Variants in RUNX1T1 observed in about 807,000 individuals in gnomAD.
RUNX1T1 encodes protein CBFA2T1.
A neutral mutation model predicts 62.8 loss-of-function variants in RUNX1T1; 4 were observed. The ratio of observed to expected loss-of-function variants is 0.06; its 90% confidence interval spans 0.03 to 0.15. The LOEUF is 0.15. Among genes scored for constraint, RUNX1T1 ranks in the 10% least tolerant of loss-of-function variants. The probability of loss-of-function intolerance (pLI) is 1.00; values close to 1 mark genes in which losing one functional copy is unlikely to be tolerated. For synonymous variants in RUNX1T1, 291 were observed against 286.0 expected (o/e 1.02, Z -0.18); for missense variants, 508 against 754.3 (o/e 0.67, Z 3.82).
At chr8:92,045,801 G>A (rs1382343017) in intron 1 of RUNX1T1, among the ~76,000 whole-genome samples, 1 of 152,170 alleles carries the variant, frequency 6.6e-6, no homozygotes, top group Non-Finnish European at 1.5e-5. Context: ...TTAGTAGAAA[G>A]TCGTTCCCAG....
intron 1 of RUNX1T1, among the ~76,000 whole-genome samples, chr8:92,034,797 TACACACACACACACACACACAC>T (rs200718439): frequency 2.1e-5 from 2 of 96,848 alleles, no homozygotes; most frequent in South Asian, 3.0e-4. Flanking sequence ...TATACATATA[TACACACACACACACACACACAC>T]ACACACACAC....
chr8:91,968,145 C>T (rs1361250289), intron 10 of RUNX1T1, among the ~76,000 whole-genome samples: 1 of 152,118 alleles, frequency 6.6e-6, no homozygotes. Context: ...TCTGGGTCCT[C>T]CTCTCAGATA....
intron 1 of RUNX1T1, chr8:92,095,662 G>C: frequency 0.013 from 9,089 of 678,112 alleles, no homozygotes; most frequent in Non-Finnish European, 0.018. Flanking sequence ...GGGAAGGAGA[G>C]ACACAGGCAG....
chr8:92,095,515 A>G (rs1304443320), intron 1 of RUNX1T1: 4 of 1,509,668 alleles, frequency 2.6e-6, no homozygotes, highest in Non-Finnish European at 3.5e-6. Context: ...AGAGAAGCCA[A>G]CGTGCATCAG....
At chr8:91,972,035 C>T (rs1209495430) in intron 9 of RUNX1T1, among the ~76,000 whole-genome samples, 1 of 152,128 alleles carries the variant, frequency 6.6e-6, no homozygotes, top group Non-Finnish European at 1.5e-5. Flanking sequence ...TACCAATTAA[C>T]ACTCTATTAA....
chr8:92,017,320 A>G (rs1823213524), exon 2 of RUNX1T1: 2 of 1,613,966 alleles, frequency 1.2e-6, no homozygotes, highest in Non-Finnish European at 1.7e-6. Flanking sequence ...GCGTCTTCAC[A>G]TCCACAGGTG....
chr8:91,986,813 T>C, intron 7 of RUNX1T1, 74 bp downstream of exon 8: 1 of 993,278 alleles, frequency 1.0e-6, no homozygotes, highest in African/African-American at 1.6e-5. Context: ...CACCAAGCTT[T>C]TATTTTATCA....
intron 9 of RUNX1T1, 58 bp downstream of exon 10, chr8:91,975,847 A>G: frequency 8.6e-7 from 1 of 1,161,736 alleles, no homozygotes; most frequent in South Asian, 1.2e-5. Context: ...ACATCACTAC[A>G]TTAACAACTG....
intron 1 of RUNX1T1, among the ~76,000 whole-genome samples, chr8:92,039,045 C>A (rs1263915599): frequency 1.3e-5 from 2 of 152,118 alleles, no homozygotes; most frequent in African/African-American, 4.8e-5. Context: ...GGGGCTCCAT[C>A]CACTTTGCAA....
intron 1 of RUNX1T1, among the ~76,000 whole-genome samples, chr8:92,030,366 A>G (rs78402893): frequency 0.011 from 1,602 of 152,328 alleles, 21 homozygotes; most frequent in African/African-American, 0.036. Context: ...ACTCAGTCCC[A>G]GAACGTATCA....
At chr8:91,966,538 T>A (rs1811657123) in intron 10 of RUNX1T1, among the ~76,000 whole-genome samples, 1 of 152,208 alleles carries the variant, frequency 6.6e-6, no homozygotes, top group Admixed American at 6.5e-5. Context: ...GTATAAGGTA[T>A]GGATCTCAAA....
intron 10 of RUNX1T1, among the ~76,000 whole-genome samples, chr8:91,967,302 T>C (rs1258873228): frequency 6.6e-6 from 1 of 152,176 alleles, no homozygotes; most frequent in Non-Finnish European, 1.5e-5. Context: ...TTTACCGGAC[T>C]GGTCTGTCTA....
upstream of RUNX1T1, chr8:92,099,765 G>T (rs1008483949): frequency 2.7e-5 from 11 of 407,802 alleles, no homozygotes; most frequent in African/African-American, 2.4e-4. Context: ...AACAGGATTT[G>T]ACAGTGAAGA....
chr8:91,986,761 T>G (rs997890870), intron 7 of RUNX1T1, 126 bp downstream of exon 8: 1 of 687,540 alleles, frequency 1.5e-6, no homozygotes, highest in African/African-American at 1.8e-5. Flanking sequence ...CTCGCTCATT[T>G]TTTTTTCAAG....
intron 7 of RUNX1T1, 129 bp downstream of exon 8, chr8:91,986,758 A>ATT: frequency 3.0e-6 from 2 of 663,578 alleles, no homozygotes; most frequent in South Asian, 1.8e-5. Context: ...ATTCTCGCTC[A>ATT]TTTTTTTTTC....
intron 4 of RUNX1T1, chr8:92,010,155 T>C (rs988277020): frequency 1.3e-5 from 2 of 152,220 alleles, no homozygotes; most frequent in Non-Finnish European, 2.9e-5. Flanking sequence ...TAAATCCTCC[T>C]TGGCAAATAA....
At chr8:92,093,353 G>C (rs1245109709) in intron 1 of RUNX1T1, among the ~76,000 whole-genome samples, 1 of 148,242 alleles carries the variant, frequency 6.7e-6, no homozygotes, top group Non-Finnish European at 1.5e-5. Context: ...AAATTTCTTT[G>C]ACTCAATGTC....
intron 5 of RUNX1T1, among the ~76,000 whole-genome samples, chr8:91,993,635 C>T (rs753533989): frequency 6.6e-6 from 1 of 151,890 alleles, no homozygotes; most frequent in Non-Finnish European, 1.5e-5. Flanking sequence ...GGCTTTTTTC[C>T]CCCCAGCTCC....
intron 4 of RUNX1T1, among the ~76,000 whole-genome samples, chr8:92,008,272 T>C (rs1286076548): frequency 1.3e-5 from 2 of 151,942 alleles, no homozygotes; most frequent in Non-Finnish European, 2.9e-5. Flanking sequence ...TTCAGAACGA[T>C]GAGGAAGCGG....
Sources: gnomAD v4.1 joint callset for allele counts (sites outside exome capture counted in the v4.1 genomes callset) on GRCh38, gnomAD v4.1.1 for gene constraint, MANE v1.5 for transcripts, NCBI Gene and HGNC (gene_info 2026-07-23, HGNC 2026-07-21) for gene names.